The following SIPA1L2 variants were observed in gnomAD, a reference collection of about 807,000 sequenced individuals.
SIPA1L2 encodes signal-induced proliferation-associated 1-like protein 2.
A neutral mutation model predicts 163.9 loss-of-function variants in SIPA1L2; 56 were observed. The ratio of observed to expected loss-of-function variants is 0.34; its 90% CI spans 0.28 to 0.43. SIPA1L2 has a LOEUF of 0.43. SIPA1L2 is among the 20% of genes least tolerant of loss of function. The probability of loss-of-function intolerance (pLI) is 1.00; values close to 1 mark genes in which losing one functional copy is unlikely to be tolerated. For synonymous variants in SIPA1L2, 877 were observed against 865.7 expected (o/e 1.01, Z -0.23); for missense variants, 1,974 against 2,193.5 (o/e 0.90, Z 2.00).
At chr1:232,401,981 C>T (rs908895042) in intron 22 of SIPA1L2, among the ~76,000 whole-genome samples, 2 of 152,158 alleles carry the variant, frequency 1.3e-5, no homozygotes, top group African/African-American at 4.8e-5. Context: ...AGCAGAAGTT[C>T]TAAGGGCTGT....
intron 2 of SIPA1L2, among the ~76,000 whole-genome samples, chr1:232,523,858 C>T (rs971972147): frequency 2.0e-5 from 3 of 152,128 alleles, no homozygotes; most frequent in African/African-American, 4.8e-5. Context: ...TAAAATGCAA[C>T]AAATAAACAC....
intron 1 of SIPA1L2, among the ~76,000 whole-genome samples, chr1:232,614,259 T>C (rs926581172): frequency 3.3e-5 from 5 of 152,032 alleles, no homozygotes; most frequent in Admixed American, 6.5e-5. Flanking sequence ...CCTGTGTAAA[T>C]GTTTACCCAT....
intron 2 of SIPA1L2, among the ~76,000 whole-genome samples, chr1:232,572,769 A>ATG (rs1659860526): frequency 3.6e-5 from 4 of 112,054 alleles, no homozygotes; most frequent in African/African-American, 6.4e-5. Context: ...ATATATATAT[A>ATG]TATATATATA....
chr1:232,445,731 C>T lies in SIPA1L2; in HGVS notation c.3151G>A (p.Gly1051Ser). Residue 1051 changes from glycine to serine, a missense_variant, in exon 11 of 23, where the codon GGC (glycine) becomes AGC (serine). This residue lies in a region of SIPA1L2 where 1,079 missense variants were observed against 1,150.7 expected (regional missense o/e 0.94). Coordinates refer to ENST00000674635, the MANE Select transcript of SIPA1L2 (RefSeq NM_020808.5). Reference protein sequence around the residue: ...PMVEYKLDSEGTPCEYKTPFR... With the variant: ...PMVEYKLDSESTPCEYKTPFR... ...GGGGTTTTATACTCGCAGGGGGTGC[C>T]CTCGCTGTCGAGTTTATATTCCACC... 6.2e-7 allele frequency: 1 copy of T among 1,613,636 alleles called. No homozygotes were observed. Among genetic ancestry groups the T allele is most frequent in the Non-Finnish European group, 8.5e-7 (1 of 1,179,906 alleles).
chr1:232,461,279 G>A, intron 9 of SIPA1L2, 118 bp from the exon 10 acceptor site: 2 of 1,285,344 alleles, frequency 1.6e-6, no homozygotes, highest in South Asian at 1.4e-5. Flanking sequence ...TCGCAGCCCA[G>A]CCTGTCTCTC....
At chr1:232,536,099 A>G (rs1242362015) in intron 2 of SIPA1L2, among the ~76,000 whole-genome samples, 1 of 152,234 alleles carries the variant, frequency 6.6e-6, no homozygotes, top group Non-Finnish European at 1.5e-5. Flanking sequence ...TTTGGCTGCT[A>G]GGTCAGAGAC....
rs1222205047 is a variant in SIPA1L2, at chr1:232,398,109, G to A, written c.*1018C>T. Reference sequence around the variant, plus strand: ...GTTAGAATCTCTCACCCTGCTTCTCGGTCTGATCTGTGCAAGCTCAGTCTC... The same window carrying A: ...GTTAGAATCTCTCACCCTGCTTCTCAGTCTGATCTGTGCAAGCTCAGTCTC... On this transcript the variant is annotated 3_prime_UTR_variant, in exon 23 of 23. Transcript: ENST00000674635. 5 of 152,526 alleles carry A rather than the reference G, an allele frequency of 3.3e-5. No individual in the cohort carries two copies. The highest frequency in any genetic ancestry group is 9.7e-5 in the African/African-American group (4 of 41,404). The allele number at this position is 152,526 out of a possible 1,614,324, so 9.4% of individuals were successfully genotyped here.
chr1:232,467,121 C>G (rs751496639), intron 8 of SIPA1L2, among the ~76,000 whole-genome samples: 28 of 152,338 alleles, frequency 1.8e-4, no homozygotes, highest in Non-Finnish European at 3.8e-4. Context: ...CGCAGGCTAA[C>G]TTGTGCTTTA....
At chr1:232,497,323 C>A (rs561304574) in intron 3 of SIPA1L2, among the ~76,000 whole-genome samples, 8 of 152,238 alleles carry the variant, frequency 5.3e-5, no homozygotes, top group Admixed American at 2.0e-4. Context: ...ATAAAATATA[C>A]CTTCAGTTTT....
rs60008360 is a variant in SIPA1L2, at chr1:232,501,050, A to ATTTTTTTTTTTTTTTT, written c.1484-7406_1484-7391dup. 2.0e-3 allele frequency among the ~76,000 whole-genome samples: 158 copies of ATTTTTTTTTTTTTTTT among 78,436 alleles called. 20 individuals are homozygous for ATTTTTTTTTTTTTTTT. The highest frequency in any genetic ancestry group is 3.0e-3 in the Non-Finnish European group (132 of 43,604). The allele number at this position is 78,436 out of a possible 152,430, so 51.5% of individuals were successfully genotyped here. On this transcript the variant is annotated intron_variant, in intron 3 of 22. Transcript: ENST00000674635. ...TGTTAGCACTTTTTAGCAATGAAGT[A>ATTTTTTTTTTTTTTTT]TTTTTTTTTTTTTTTTTTTTTTTGT...
chr1:232,539,082 CTCG>C (rs1256353324), intron 2 of SIPA1L2, among the ~76,000 whole-genome samples: 1 of 152,220 alleles, frequency 6.6e-6, no homozygotes, highest in Non-Finnish European at 1.5e-5. Flanking sequence ...TCAGAGTCTC[CTCG>C]TCAAGCAAAC....
At chr1:232,556,366 C>T (rs925953591) in intron 2 of SIPA1L2, among the ~76,000 whole-genome samples, 7 of 152,152 alleles carry the variant, frequency 4.6e-5, no homozygotes, top group African/African-American at 1.2e-4. Flanking sequence ...ATCTCAATTA[C>T]ATTTTTAAAA....
intron 2 of SIPA1L2, among the ~76,000 whole-genome samples, chr1:232,542,919 A>G (rs1328257046): frequency 6.6e-6 from 1 of 152,204 alleles, no homozygotes; most frequent in Admixed American, 6.5e-5. Flanking sequence ...GTTTGTACAC[A>G]CTGGTATTTG....
Position 232,465,385 on chromosome 1 carries a change from G to C in SIPA1L2, c.2275C>G (p.Pro759Ala), listed in dbSNP as rs777108018. The C allele has an allele frequency of 1.1e-5, 17 of 1,611,386 alleles. No individual in the cohort carries two copies. The South Asian group carries it at 1.8e-4, about 17-fold the overall frequency. Residue 759 changes from proline to alanine, a missense_variant, in exon 9 of 23, where the codon CCA becomes GCA. Transcript: ENST00000674635. The surrounding 1 kb of genome is among the most constrained non-coding windows in gnomAD (Gnocchi z 4.1). ...VGVSRSKDVP[P>A]FGPPIPKGVT... ...CCTTTGGGAATCGGTGGGCCAAATG[G>C]TGGCACATCTTTTGATCTGGAAACT...
intron 3 of SIPA1L2, among the ~76,000 whole-genome samples, chr1:232,508,784 C>T (rs1011377964): frequency 3.3e-5 from 5 of 152,320 alleles, no homozygotes; most frequent in African/African-American, 1.2e-4. Flanking sequence ...TGCTACTATC[C>T]TCACTGCTTT....
At chr1:232,423,023 CCTG>C (rs1416151211) in intron 18 of SIPA1L2, among the ~76,000 whole-genome samples, 3 of 152,126 alleles carry the variant, frequency 2.0e-5, no homozygotes, top group African/African-American at 4.8e-5. Context: ...TGAACTTTTC[CCTG>C]GCTAGTGATA....
intron 21 of SIPA1L2, 130 bp downstream of exon 21, chr1:232,403,318 A>G: frequency 8.2e-7 from 1 of 1,213,202 alleles, no homozygotes; most frequent in Non-Finnish European, 1.1e-6. Context: ...CCTTCTCTGG[A>G]TTCTTCAGGA....
chr1:232,465,745 C>T lies in SIPA1L2; in HGVS notation c.2244-329G>A, dbSNP rs557526068. Among the ~76,000 whole-genome samples, 5 of 151,952 alleles carry T rather than the reference C, an allele frequency of 3.3e-5. No individual in the cohort carries two copies. The highest frequency in any genetic ancestry group is 6.6e-5 in the Admixed American group (1 of 15,262). ...TAACCCATAGTTCCTGGGAATGTGA[C>T]GCAATCTGGAGAAAGGACCCTTAAG... On this transcript the variant is annotated intron_variant, in intron 8 of 22. Transcript: ENST00000674635. The surrounding 1 kb of genome is among the most constrained non-coding windows in gnomAD (Gnocchi z 4.1).
At chr1:232,459,249 C>T (rs1033202243) in intron 10 of SIPA1L2, among the ~76,000 whole-genome samples, 33 of 152,130 alleles carry the variant, frequency 2.2e-4, no homozygotes, top group African/African-American at 7.0e-4. Flanking sequence ...AGGAAAAATT[C>T]GTTTCCTAAG....
Sources: allele counts gnomAD v4.1 joint callset (sites outside exome capture counted in the v4.1 genomes callset), GRCh38; gene constraint gnomAD v4.1.1; regional missense constraint gnomAD v4.1.1; non-coding constraint Gnocchi (gnomAD v3.1); transcripts MANE v1.5; gene names NCBI Gene and HGNC (gene_info 2026-07-23, HGNC 2026-07-21).